The following PCDHGC5 variants were observed in gnomAD, a reference collection of about 807,000 sequenced individuals.
PCDHGC5 encodes protocadherin gamma-C5.
A neutral mutation model predicts 59.0 loss-of-function variants in PCDHGC5; 25 were observed. The ratio of observed to expected loss-of-function variants is 0.42; its 90% CI spans 0.31 to 0.59. The LOEUF is 0.59. PCDHGC5 is among the 20% of genes least tolerant of loss of function. PCDHGC5 has a pLI of 0.13. For missense variants in PCDHGC5, 1,067 were observed against 1,206.4 expected (o/e 0.88, Z 1.71); for synonymous variants, 434 against 505.5 (o/e 0.86, Z 1.90).
intron 2 of PCDHGC5, 149 bp from the exon 3 acceptor site, chr5:141,505,244 T>C (rs886952348): frequency 7.0e-7 from 1 of 1,428,216 alleles, no homozygotes; most frequent in Non-Finnish European, 9.4e-7. Context: ...TGAAGGATTG[T>C]AGAAGTGCCT....
At position 141,489,586 on chromosome 5, in the gene PCDHGC5, C is replaced by T; in HGVS notation, c.346C>T (p.Leu116=). 1 of 1,614,082 alleles carries T rather than the reference C, an allele frequency of 6.2e-7. No individual in the cohort carries two copies. The highest frequency in any genetic ancestry group is 8.5e-7 in the Non-Finnish European group (1 of 1,179,988). Residue 116 remains leucine (L), a synonymous_variant, in exon 1 of 4, where the codon CTA becomes TTA. Coordinates refer to ENST00000252087, the MANE Select transcript of PCDHGC5 (RefSeq NM_018929.3). This position sits in a 1 kb window ranked among gnomAD's most constrained non-coding sequence, Gnocchi z 4.5. ...GGTGGTGACTGAACACCCCCTGGAG[C>T]TAATCCGTGTAGAGGTAGAGATCCT... ...VQVVTEHPLE[L]IRVEVEILDL...
chr5:141,495,005 CG>C (rs2099758180), intron 2 of PCDHGC5, 140 bp downstream of exon 2: 2 of 1,522,694 alleles, frequency 1.3e-6, no homozygotes, highest in African/African-American at 1.4e-5. Context: ...TCTTGGTGTG[CG>C]GGGGGCTGGC....
chr5:141,498,672 C>T (rs1034911993), intron 2 of PCDHGC5, among the ~76,000 whole-genome samples: 3 of 152,218 alleles, frequency 2.0e-5, no homozygotes, highest in South Asian at 4.1e-4. Context: ...TGGCTCACGC[C>T]TGTAATCCCA....
At chr5:141,494,648 T>G in intron 1 of PCDHGC5, 159 bp from the exon 2 acceptor site, 1 of 946,506 alleles carries the variant, frequency 1.1e-6, no homozygotes, top group Non-Finnish European at 1.3e-6. Flanking sequence ...ACCTGAGGTG[T>G]ATTTTGTCTT....
At chr5:141,506,955 C>G (rs1387377785) in intron 3 of PCDHGC5, 1 of 152,244 alleles carries the variant, frequency 6.6e-6, no homozygotes, top group Non-Finnish European at 1.5e-5. Context: ...AATGAATCCT[C>G]TCAATAGCTC....
At chr5:141,492,778 G>A (rs2099743821) in intron 1 of PCDHGC5, among the ~76,000 whole-genome samples, 1 of 152,250 alleles carries the variant, frequency 6.6e-6, no homozygotes, top group South Asian at 2.1e-4. Context: ...GAGTGAGTGA[G>A]CCTCTATAGG....
intron 2 of PCDHGC5, among the ~76,000 whole-genome samples, chr5:141,495,430 C>A (rs1189953474): frequency 6.6e-6 from 1 of 152,220 alleles, no homozygotes; most frequent in Non-Finnish European, 1.5e-5. Context: ...TCCCACTGTC[C>A]TCTGCCCCTA....
At chr5:141,503,679 G>A (rs562303239) in intron 2 of PCDHGC5, among the ~76,000 whole-genome samples, 1 of 152,054 alleles carries the variant, frequency 6.6e-6, no homozygotes, top group East Asian at 1.9e-4. Context: ...CCACTTTTGG[G>A]AAGGAGAATT....
rs1421246315 is a variant in PCDHGC5 at position 141,491,880 on chromosome 5, G to A, written c.2460+180G>A. The A allele has an allele frequency of 1.1e-5, 16 of 1,449,714 alleles. No homozygotes were observed. The highest frequency in any genetic ancestry group is 1.5e-5 in the Non-Finnish European group (16 of 1,096,892). 89.8% of individuals were successfully genotyped at this position (1,449,714 alleles called of 1,614,324 possible). A position where few individuals can be genotyped will look rare whatever the true frequency, so the allele number is the denominator to read the frequency against. ...GCGAAACCAGAGTGGCCGATTAAGGGATGGGGCTCCGAGCACCGGGGGTGG... is the reference window on the plus strand; with the variant it reads ...GCGAAACCAGAGTGGCCGATTAAGGAATGGGGCTCCGAGCACCGGGGGTGG... On this transcript the variant is annotated intron_variant, in intron 1 of 3. Coordinates refer to ENST00000252087, the MANE Select transcript of PCDHGC5 (RefSeq NM_018929.3). The surrounding 1 kb of genome is among the most constrained non-coding windows in gnomAD (Gnocchi z 6.9).
rs1018384314 is a variant in PCDHGC5 at position 141,490,427 on chromosome 5, A to G, written c.1187A>G (p.Gln396Arg). Residue 396 changes from glutamine (Q) to arginine (R), a missense_variant, in exon 1 of 4, where the codon CAG (glutamine) becomes CGG (arginine). By Grantham distance (43) the Gln-to-Arg change is conservative (BLOSUM62 1). Coordinates refer to ENST00000252087, the MANE Select transcript of PCDHGC5 (RefSeq NM_018929.3). This position sits in a 1 kb window ranked among gnomAD's most constrained non-coding sequence, Gnocchi z 5.4. ...GATATCTCTCCGGACCTGCCATTTCAGATTAAGCCTTCTGAGAACCACTAC... is the reference window on the plus strand; with the variant it reads ...GATATCTCTCCGGACCTGCCATTTCGGATTAAGCCTTCTGAGAACCACTAC... ...SLDISPDLPF[Q>R]IKPSENHYSL... is the part of the protein sequence containing the mutation. 6.2e-7 allele frequency: 1 copy of G among 1,614,092 alleles called. No individual in the cohort carries two copies.
In PCDHGC5 at chr5:141,490,410, T is replaced by C. The variant is rs2099699827; in HGVS notation, c.1170T>C (p.Ser390=). ...ATGGTGAAGTGAGCCTTGATATCTC[T>C]CCGGACCTGCCATTTCAGATTAAGC... ...GRNGEVSLDI[S]PDLPFQIKPS... The change falls in exon 1 of 4, where the codon TCT becomes TCC. Residue 390 remains serine (S), a synonymous_variant. Coordinates refer to ENST00000252087, the MANE Select transcript of PCDHGC5 (RefSeq NM_018929.3). The surrounding 1 kb of genome is among the most constrained non-coding windows in gnomAD (Gnocchi z 5.4). 1 of 1,614,172 alleles carries C rather than the reference T, an allele frequency of 6.2e-7. No individual in the cohort carries two copies. Among genetic ancestry groups the C allele is most frequent in the Non-Finnish European group, 8.5e-7 (1 of 1,180,042 alleles).
Position 141,489,646 on chromosome 5 carries a change from C to G in PCDHGC5, c.406C>G (p.Pro136Ala), listed in dbSNP as rs1274955075. The G allele has an allele frequency of 1.2e-6, 2 of 1,614,186 alleles. No individual in the cohort carries two copies. Among genetic ancestry groups the G allele is most frequent in the Non-Finnish European group, 1.7e-6 (2 of 1,180,022 alleles). ...TGACAACTCTCCTAGCTTTGCCACC[C>G]CTGAGCGAGAGATGCGCATCTCAGA... ...LNDNSPSFATPEREMRISESA... is the reference protein window; with the variant it reads ...LNDNSPSFATAEREMRISESA... The change falls in exon 1 of 4, where the codon CCT (proline) becomes GCT (alanine). Residue 136 changes from proline (P) to alanine (A), a missense_variant. By Grantham distance (27) the Pro-to-Ala change is conservative. Coordinates refer to ENST00000252087, the MANE Select transcript of PCDHGC5 (RefSeq NM_018929.3). The surrounding 1 kb of genome is among the most constrained non-coding windows in gnomAD (Gnocchi z 4.5).
Position 141,490,311 on chromosome 5 carries a change from C to T in PCDHGC5, c.1071C>T (p.Asn357=). 6.2e-7 allele frequency: 1 copy of T among 1,614,200 alleles called. No individual in the cohort carries two copies. The highest frequency in any genetic ancestry group is 8.5e-7 in the Non-Finnish European group (1 of 1,180,018). The change falls in exon 1 of 4, where the codon AAC becomes AAT. Residue 357 remains asparagine, a synonymous_variant. Coordinates refer to ENST00000252087, the MANE Select transcript of PCDHGC5 (RefSeq NM_018929.3). This position sits in a 1 kb window ranked among gnomAD's most constrained non-coding sequence, Gnocchi z 5.4. ...APEVLLASLA[N]PVLESTPVGT... ...AGGTGCTATTGGCCTCTTTGGCCAA[C>T]CCTGTCCTAGAGAGCACACCAGTGG...
chr5:141,501,501 T>C (rs2099809553), intron 2 of PCDHGC5, among the ~76,000 whole-genome samples: 1 of 151,938 alleles, frequency 6.6e-6, no homozygotes, highest in Non-Finnish European at 1.5e-5. Context: ...CTGCTGGGGC[T>C]CCAAGGCCTC....
At position 141,505,495 on chromosome 5, in the gene PCDHGC5, G is replaced by A. The variant is rs767547572; in HGVS notation, c.2608+14G>A. On this transcript the variant is annotated intron_variant, in intron 3 of 3. Transcript: ENST00000252087. ...CGTCCGCCAGTGGTAAGTGGTGTCA[G>A]TGTGTGTATGGAAGAGTGGGAGACC... The A allele has an allele frequency of 7.9e-5, 128 of 1,614,092 alleles. No homozygotes were observed. Among genetic ancestry groups the A allele is most frequent in the Non-Finnish European group, 1.0e-4 (123 of 1,180,008 alleles).
chr5:141,491,528 C>T lies in PCDHGC5; in HGVS notation c.2288C>T (p.Thr763Met), dbSNP rs745806026. ...GGCACGCTCAAGTACATGGAGGTGACGCTGCGGCCCACAGACTCGCAGAGC... is the reference window on the plus strand; with the variant it reads ...GGCACGCTCAAGTACATGGAGGTGATGCTGCGGCCCACAGACTCGCAGAGC... Reference protein sequence around the residue: ...SDGTLKYMEVTLRPTDSQSHC... With the variant: ...SDGTLKYMEVMLRPTDSQSHC... The change falls in exon 1 of 4, where the codon ACG (threonine) becomes ATG (methionine). Residue 763 changes from threonine (T) to methionine (M), a missense_variant. Coordinates refer to ENST00000252087, the MANE Select transcript of PCDHGC5 (RefSeq NM_018929.3). The surrounding 1 kb of genome is among the most constrained non-coding windows in gnomAD (Gnocchi z 6.9). 4 of 1,613,950 alleles carry T rather than the reference C, an allele frequency of 2.5e-6. No individual in the cohort carries two copies. Among genetic ancestry groups the T allele is most frequent in the South Asian group, 1.1e-5 (1 of 91,092 alleles).
At chr5:141,509,650 T>C (rs1484029268) in intron 3 of PCDHGC5, among the ~76,000 whole-genome samples, 1 of 152,188 alleles carries the variant, frequency 6.6e-6, no homozygotes, top group African/African-American at 2.4e-5. Context: ...GGCCAGAGTG[T>C]GGACTTCTCT....
At chr5:141,496,782 C>T (rs552953558) in intron 2 of PCDHGC5, among the ~76,000 whole-genome samples, 16 of 152,136 alleles carry the variant, frequency 1.1e-4, no homozygotes, top group South Asian at 2.1e-4. Context: ...TGAGCAGGGC[C>T]CTGTGCTAAA....
In PCDHGC5 at chr5:141,493,755, A is replaced by C. The variant is rs1364524112; in HGVS notation, c.2461-1052A>C. Among the ~76,000 whole-genome samples, 1 of 152,148 alleles carries C rather than the reference A, an allele frequency of 6.6e-6. No homozygotes were observed. The highest frequency in any genetic ancestry group is 2.4e-5 in the African/African-American group (1 of 41,440). On this transcript the variant is annotated intron_variant, in intron 1 of 3. Coordinates refer to ENST00000252087, the MANE Select transcript of PCDHGC5 (RefSeq NM_018929.3). The surrounding 1 kb of genome is among the most constrained non-coding windows in gnomAD (Gnocchi z 4.3). ...ATATCACTGCCACCTGTGAGCCTTG[A>C]GTGAGCCACTGGCAGTTCCGGAGCT...
Sources: allele counts gnomAD v4.1 joint callset (sites outside exome capture counted in the v4.1 genomes callset), GRCh38; gene constraint gnomAD v4.1.1; non-coding constraint Gnocchi (gnomAD v3.1); transcripts MANE v1.5; gene names NCBI Gene and HGNC (gene_info 2026-07-23, HGNC 2026-07-21).